ANKRD12: variants seen among roughly 807,000 people sequenced by gnomAD.
ANKRD12 encodes ankyrin repeat domain 12.
In ANKRD12, 85 loss-of-function variants were observed where a neutral mutation model predicts 183.4. The observed-to-expected ratio is 0.46, with a 90% CI of 0.39 to 0.56. The LOEUF (loss-of-function observed/expected upper bound fraction) is 0.56. Among genes scored for constraint, ANKRD12 ranks in the 20% least tolerant of loss-of-function variants. The probability of loss-of-function intolerance (pLI) is 0.00; values close to 1 mark genes in which losing one functional copy is unlikely to be tolerated. For missense variants in ANKRD12, 2,405 were observed against 2,357.1 expected (o/e 1.02, Z -0.42); for synonymous variants, 914 against 800.2 (o/e 1.14, Z -2.40).
chr18:9,285,021 A>C lies in ANKRD12; in HGVS notation c.*3895A>C, dbSNP rs1424083575. On this transcript the variant is annotated 3_prime_UTR_variant, in exon 13 of 13. Coordinates refer to ENST00000262126, the MANE Select transcript of ANKRD12 (RefSeq NM_015208.5). ...GGAGATCGAGACCATCCTGGCTAAC[A>C]CGGTGAAACCCCGTCTCTACTAAAC... is the stretch of plus-strand genomic sequence containing the variant. The C allele has an allele frequency of 6.6e-6, 1 of 152,124 alleles. No homozygotes were observed. Among genetic ancestry groups the C allele is most frequent in the Non-Finnish European group, 1.5e-5 (1 of 68,022 alleles). The allele number at this position is 152,124 out of a possible 1,614,324, so 9.4% of individuals were successfully genotyped here.
At chr18:9,204,081 C>T (rs537874580) in intron 3 of ANKRD12, among the ~76,000 whole-genome samples, 7 of 152,220 alleles carry the variant, frequency 4.6e-5, no homozygotes, top group African/African-American at 1.2e-4. Context: ...TCTCCAGAGT[C>T]GAGTTGGCAC....
intron 8 of ANKRD12, chr18:9,235,810 A>G (rs1401994940): frequency 5.1e-6 from 2 of 395,754 alleles, no homozygotes; most frequent in African/African-American, 4.2e-5. Flanking sequence ...AAAAATAAAA[A>G]TGATTTAAAA....
At chr18:9,243,289 C>T (rs2037764000) in intron 8 of ANKRD12, among the ~76,000 whole-genome samples, 1 of 152,214 alleles carries the variant, frequency 6.6e-6, no homozygotes, top group South Asian at 2.1e-4. Context: ...CCCAGAGAAT[C>T]TCTGAAATTC....
rs1041512328 is a variant in ANKRD12, at chr18:9,255,125, T to G, written c.1858T>G (p.Ser620Ala). 3 of 1,577,532 alleles carry G rather than the reference T, an allele frequency of 1.9e-6. No individual in the cohort carries two copies. The highest frequency in any genetic ancestry group is 2.6e-6 in the Non-Finnish European group (3 of 1,168,512). The change falls in exon 9 of 13, where the codon TCA (serine) becomes GCA (alanine). Residue 620 changes from serine to alanine, a missense_variant. Physicochemically the swap from Ser to Ala is moderately conservative, Grantham distance 99. This residue lies in a region of ANKRD12 where 1,983 missense variants were observed against 1,725.9 expected (regional missense o/e 1.15). Coordinates refer to ENST00000262126, the MANE Select transcript of ANKRD12 (RefSeq NM_015208.5). ...TTTCCACTTAGAATTTGGTGAAAAA[T>G]CAAATGCCAAAATAAAGGATGAAGA... Reference protein sequence around the residue: ...KDFHLEFGEKSNAKIKDEDHS... With the variant: ...KDFHLEFGEKANAKIKDEDHS...
chr18:9,160,549 A>G (rs1394721813), intron 1 of ANKRD12, among the ~76,000 whole-genome samples: 3 of 152,146 alleles, frequency 2.0e-5, no homozygotes, highest in Non-Finnish European at 4.4e-5. Flanking sequence ...GTCACTCCAT[A>G]TTTTCCCAGT....
intron 1 of ANKRD12, among the ~76,000 whole-genome samples, chr18:9,149,735 T>C (rs1425718659): frequency 6.6e-6 from 1 of 151,982 alleles, no homozygotes; most frequent in African/African-American, 2.4e-5. Flanking sequence ...AAAGTAATAA[T>C]AGACATATAG....
Position 9,255,720 on chromosome 18 carries a change from G to A in ANKRD12, c.2453G>A (p.Ser818Asn), listed in dbSNP as rs2298546. The A allele has an allele frequency of 0.03, 47,858 of 1,594,672 alleles. 1,951 individuals carry two copies. The highest frequency in any genetic ancestry group is 0.22 in the East Asian group (9,652 of 44,332). Residue 818 changes from serine to asparagine, a missense_variant, in exon 9 of 13, where the codon AGT becomes AAT. By Grantham distance (46) the Ser-to-Asn change is conservative. This residue lies in a region of ANKRD12 where 1,983 missense variants were observed against 1,725.9 expected (regional missense o/e 1.15). Coordinates refer to ENST00000262126, the MANE Select transcript of ANKRD12 (RefSeq NM_015208.5). ...IEKQEKHIKE[S>N]KEKPEKRSQI... The stretch of plus-strand genomic sequence containing the variant: ...AAACAAGAAAAGCATATAAAGGAAA[G>A]TAAAGAAAAACCTGAGAAGCGATCT...
At chr18:9,140,554 A>G (rs2078280538) in intron 1 of ANKRD12, among the ~76,000 whole-genome samples, 1 of 152,222 alleles carries the variant, frequency 6.6e-6, no homozygotes, top group Non-Finnish European at 1.5e-5. Flanking sequence ...TAAAAGTAAT[A>G]GTGAAAGTAA....
intron 2 of ANKRD12, among the ~76,000 whole-genome samples, chr18:9,188,082 A>G (rs2034219295): frequency 1.3e-5 from 2 of 152,232 alleles, no homozygotes; most frequent in Admixed American, 1.3e-4. Flanking sequence ...AATTAGCTTC[A>G]TGGATGCTGG....
At chr18:9,280,127 T>C (rs2040040141) in intron 12 of ANKRD12, among the ~76,000 whole-genome samples, 1 of 152,190 alleles carries the variant, frequency 6.6e-6, no homozygotes, top group South Asian at 2.1e-4. Context: ...GGGACCAGTT[T>C]CGTGGAAGAC....
intron 8 of ANKRD12, among the ~76,000 whole-genome samples, chr18:9,233,778 G>C (rs1313283490): frequency 6.6e-6 from 1 of 152,122 alleles, no homozygotes; most frequent in African/African-American, 2.4e-5. Flanking sequence ...CATGTCAGGT[G>C]GGCCAGTCTT....
chr18:9,205,656 AATCTGAGT>A (rs1482684197), intron 4 of ANKRD12, among the ~76,000 whole-genome samples: 3 of 152,174 alleles, frequency 2.0e-5, no homozygotes, highest in Non-Finnish European at 2.9e-5. Context: ...AGCCATCCAT[AATCTGAGT>A]ATCATTGCCG....
chr18:9,172,708 G>A (rs2032858537), intron 1 of ANKRD12, among the ~76,000 whole-genome samples: 1 of 152,104 alleles, frequency 6.6e-6, no homozygotes, highest in Non-Finnish European at 1.5e-5. Flanking sequence ...ACCTTCTGAA[G>A]CCTACTTCTA....
intron 1 of ANKRD12, among the ~76,000 whole-genome samples, chr18:9,154,873 G>C (rs1421591731): frequency 6.6e-6 from 1 of 152,132 alleles, no homozygotes; most frequent in African/African-American, 2.4e-5. Flanking sequence ...TTTTGGTTTG[G>C]TTATGCCTAT....
At chr18:9,148,834 G>A (rs1021534578) in intron 1 of ANKRD12, among the ~76,000 whole-genome samples, 7 of 152,128 alleles carry the variant, frequency 4.6e-5, no homozygotes, top group Admixed American at 1.3e-4. Context: ...TTTTTTAGAA[G>A]CCTTTTTTGT....
At chr18:9,167,901 T>C (rs566968125) in intron 1 of ANKRD12, among the ~76,000 whole-genome samples, 1 of 152,312 alleles carries the variant, frequency 6.6e-6, no homozygotes, top group South Asian at 2.1e-4. Flanking sequence ...CATCAATACC[T>C]AATTTATTGA....
At chr18:9,214,241 C>T (rs2035966667) in intron 6 of ANKRD12, among the ~76,000 whole-genome samples, 1 of 152,086 alleles carries the variant, frequency 6.6e-6, no homozygotes, top group Non-Finnish European at 1.5e-5. Flanking sequence ...ATAAAATATA[C>T]ACAAATCTGT....
chr18:9,216,681 A>C (rs1598589237), intron 6 of ANKRD12, 77 bp from the exon 7 acceptor site: 1 of 1,417,134 alleles, frequency 7.1e-7, no homozygotes. Flanking sequence ...TATATGTCAC[A>C]CATTGGTATG....
intron 12 of ANKRD12, among the ~76,000 whole-genome samples, chr18:9,280,543 C>G (rs980306145): frequency 6.6e-6 from 1 of 152,164 alleles, no homozygotes; most frequent in Admixed American, 6.5e-5. Flanking sequence ...AATCCCAGAA[C>G]TTTGGAAGGC....
Sources: gnomAD v4.1 joint callset for allele counts (sites outside exome capture counted in the v4.1 genomes callset) on GRCh38, gnomAD v4.1.1 for gene constraint, gnomAD v4.1.1 regional missense constraint, MANE v1.5 for transcripts, NCBI Gene and HGNC (gene_info 2026-07-23, HGNC 2026-07-21) for gene names.